The following EYS variants were observed in gnomAD, a reference collection of about 807,000 sequenced individuals.
The protein encoded by EYS is EGF-like photoreceptor maintenance factor, also known as protein eyes shut homolog.
A neutral mutation model predicts 282.1 loss-of-function variants in EYS; 250 were observed. That is an observed-to-expected ratio of 0.89 (90% CI 0.80 to 0.98). EYS has a LOEUF of 0.98. Ranked by LOEUF, EYS falls within the 50% of genes least tolerant of loss-of-function variation. The probability of loss-of-function intolerance (pLI) is 0.00; values close to 1 mark genes in which losing one functional copy is unlikely to be tolerated. For missense variants in EYS, 4,016 were observed against 3,709.0 expected, an observed-to-expected ratio of 1.08 and a Z score of -2.15; for synonymous variants, 1,355 against 1,282.9, an observed-to-expected ratio of 1.06 and a Z score of -1.20.
At position 65,454,347 on chromosome 6, in the gene EYS, G is replaced by T. The variant is rs150905745; in HGVS notation, c.862+36247C>A. On this transcript the variant is annotated intron_variant, in intron 5 of 42. Transcript: ENST00000503581. Reference sequence around the variant, plus strand: ...TGTATATTAAGTTTTTTTGCCCATTGCTAAATCAGATTATTTGTTCTTTTG... The same window carrying T: ...TGTATATTAAGTTTTTTTGCCCATTTCTAAATCAGATTATTTGTTCTTTTG... Among the ~76,000 whole-genome samples, 36 of 151,672 alleles carry T rather than the reference G, an allele frequency of 2.4e-4. 1 individual carries two copies. The highest frequency in any genetic ancestry group is 7.7e-4 in the African/African-American group (32 of 41,424).
At chr6:63,745,175 G>A (rs1769182704) in intron 41 of EYS, among the ~76,000 whole-genome samples, 1 of 152,218 alleles carries the variant, frequency 6.6e-6, no homozygotes, top group Non-Finnish European at 1.5e-5. Context: ...TCAAGGACAT[G>A]TGGACAAGAG....
chr6:65,425,102 G>A (rs1449436752), intron 5 of EYS, among the ~76,000 whole-genome samples: 4 of 152,046 alleles, frequency 2.6e-5, no homozygotes, highest in African/African-American at 9.7e-5. Flanking sequence ...GCCTTTAGCT[G>A]TATAAATGTA....
At chr6:63,768,835 C>G (rs2149659650) in intron 40 of EYS, among the ~76,000 whole-genome samples, 1 of 152,118 alleles carries the variant, frequency 6.6e-6, no homozygotes. Context: ...TGCCCATCAA[C>G]AGGGTACTGG....
chr6:65,564,984 G>A lies in EYS; in HGVS notation c.-332-68991C>T, dbSNP rs1305087456. 1.8e-4 allele frequency among the ~76,000 whole-genome samples: 4 copies of A among 21,968 alleles called. 2 individuals carry two copies. The highest frequency in any genetic ancestry group is 2.7e-4 in the Non-Finnish European group (4 of 14,582). 14.4% of individuals were successfully genotyped at this position (21,968 alleles called of 152,430 possible). On this transcript the variant is annotated intron_variant, in intron 2 of 42. Coordinates refer to ENST00000503581, the MANE Select transcript of EYS (RefSeq NM_001142800.2). The stretch of plus-strand genomic sequence containing the variant: ...TGAACGGCCGGGCGCGGTGGCTCAC[G>A]CCTGTAATCCCAGCACTTTGGGAGG...
intron 26 of EYS, among the ~76,000 whole-genome samples, chr6:64,585,546 G>A (rs1187476047): frequency 6.6e-6 from 1 of 151,826 alleles, no homozygotes; most frequent in Non-Finnish European, 1.5e-5. Context: ...ATTTATTTTG[G>A]CCTGAAACGT....
intron 30 of EYS, among the ~76,000 whole-genome samples, chr6:64,280,507 A>G (rs1332442657): frequency 6.6e-6 from 1 of 152,162 alleles, no homozygotes; most frequent in Non-Finnish European, 1.5e-5. Flanking sequence ...GCAAATGAAG[A>G]AAAATCTAAA....
intron 12 of EYS, among the ~76,000 whole-genome samples, chr6:65,084,553 C>T (rs1247964074): frequency 6.6e-6 from 1 of 152,094 alleles, no homozygotes. Flanking sequence ...TTTGTCAAAA[C>T]ATCTTCTTCA....
chr6:63,905,481 C>G (rs1245368715), intron 35 of EYS, among the ~76,000 whole-genome samples: 1 of 151,920 alleles, frequency 6.6e-6, no homozygotes, highest in Non-Finnish European at 1.5e-5. Context: ...AGGCGCCCGC[C>G]ACCACGCCCG....
At chr6:64,559,068 C>G in intron 26 of EYS, among the ~76,000 whole-genome samples, 1 of 151,964 alleles carries the variant, frequency 6.6e-6, no homozygotes, top group East Asian at 1.9e-4. Context: ...AAAATTTTCA[C>G]AAAAATTAGA....
At chr6:64,295,653 G>A (rs1302649629) in intron 30 of EYS, among the ~76,000 whole-genome samples, 3 of 147,844 alleles carry the variant, frequency 2.0e-5, no homozygotes, top group Non-Finnish European at 3.0e-5. Flanking sequence ...GGCGTGAACC[G>A]AGAAGGCGGA....
At chr6:65,278,241 T>C (rs1306945487) in intron 12 of EYS, among the ~76,000 whole-genome samples, 3 of 146,856 alleles carry the variant, frequency 2.0e-5, no homozygotes, top group Non-Finnish European at 3.0e-5. Flanking sequence ...CATAATCATG[T>C]GGGTCAATTC....
intron 1 of EYS, among the ~76,000 whole-genome samples, chr6:65,640,374 G>C (rs142005117): frequency 6.6e-6 from 1 of 152,078 alleles, no homozygotes; most frequent in African/African-American, 2.4e-5. Context: ...GTTTTCATGA[G>C]AGTATCTCTA....
intron 2 of EYS, among the ~76,000 whole-genome samples, chr6:65,620,235 T>C (rs898257953): frequency 5.9e-5 from 9 of 152,210 alleles, no homozygotes; most frequent in Middle Eastern, 3.2e-3. Context: ...TTTCAGATCC[T>C]GTTATTGGTC....
chr6:65,317,442 TG>T (rs1315515981), intron 11 of EYS, among the ~76,000 whole-genome samples: 1 of 152,234 alleles, frequency 6.6e-6, no homozygotes, highest in Non-Finnish European at 1.5e-5. Flanking sequence ...TTTGTAGTTT[TG>T]GTATGATTTT....
chr6:65,327,245 G>T (rs7766331), intron 11 of EYS, among the ~76,000 whole-genome samples: 149,455 of 151,692 alleles, frequency 0.99, 73,656 homozygotes, highest in East Asian at 1. Context: ...TAAGTTTTTC[G>T]GTTGTGTGTT....
At chr6:64,336,530 G>T (rs1480966796) in intron 29 of EYS, among the ~76,000 whole-genome samples, 1 of 151,988 alleles carries the variant, frequency 6.6e-6, no homozygotes, top group Non-Finnish European at 1.5e-5. Context: ...AATTGTGGGG[G>T]ACTTAAATAC....
At chr6:64,719,666 A>T (rs1216687995) in intron 22 of EYS, among the ~76,000 whole-genome samples, 3 of 152,188 alleles carry the variant, frequency 2.0e-5, no homozygotes, top group Non-Finnish European at 4.4e-5. Flanking sequence ...ATACTTCGGG[A>T]GGCTGAGGCA....
chr6:65,695,082 A>G (rs114133062), intron 1 of EYS, among the ~76,000 whole-genome samples: 2,394 of 152,214 alleles, frequency 0.016, 62 homozygotes, highest in East Asian at 0.047. Flanking sequence ...AGAAAACTAC[A>G]TATCATTCAG....
intron 2 of EYS, among the ~76,000 whole-genome samples, chr6:65,634,712 T>C (rs1419936933): frequency 6.6e-6 from 1 of 152,198 alleles, no homozygotes; most frequent in Non-Finnish European, 1.5e-5. Flanking sequence ...CATCCTTGAT[T>C]TCTCTCTGTC....
Sources: allele counts gnomAD v4.1 joint callset (sites outside exome capture counted in the v4.1 genomes callset), GRCh38; gene constraint gnomAD v4.1.1; transcripts MANE v1.5; gene names NCBI Gene and HGNC (gene_info 2026-07-23, HGNC 2026-07-21).